IL17D: variants seen among roughly 807,000 people sequenced by gnomAD.
The protein encoded by IL17D is interleukin-17D.
Under a neutral mutation model 5.7 loss-of-function variants are expected in IL17D, and 10 were observed. That is an observed-to-expected ratio of 1.75 (90% CI 1.08 to 2.97). IL17D has a LOEUF of 2.97. IL17D is among the 30% of genes most tolerant of loss of function. The pLI is 0.00. For missense variants in IL17D, 354 were observed against 292.7 expected (o/e 1.21, Z -1.53); for synonymous variants, 172 against 141.7 (o/e 1.21, Z -1.52).
chr13:20,709,252 C>T (rs1349634086), intron 1 of IL17D, among the ~76,000 whole-genome samples: 2 of 150,246 alleles, frequency 1.3e-5, no homozygotes, highest in Admixed American at 6.7e-5. Context: ...TTATGGAGGG[C>T]GATTTGGTGT....
intron 1 of IL17D, among the ~76,000 whole-genome samples, chr13:20,718,196 C>A (rs1483491810): frequency 3.3e-5 from 5 of 152,124 alleles, no homozygotes; most frequent in African/African-American, 9.7e-5. Context: ...TGTGCAGCTG[C>A]CCGGTGCCCT....
intron 1 of IL17D, among the ~76,000 whole-genome samples, chr13:20,707,614 A>C (rs575154162): frequency 6.6e-6 from 1 of 152,162 alleles, no homozygotes; most frequent in Admixed American, 6.5e-5. Context: ...TTGACCTTCT[A>C]GGCTCAAGGG....
chr13:20,722,874 A>G lies in IL17D; in HGVS notation c.*920A>G, dbSNP rs2058748558. On this transcript the variant is annotated 3_prime_UTR_variant, in exon 2 of 2. Coordinates refer to ENST00000682841, the MANE Select transcript of IL17D (RefSeq NM_001385224.1). ...TGCCAGTTGTCAGAAGAATCCAAGC[A>G]GGTATTGGCTTAGTTGTAAGGGCTT... 1 of 152,196 alleles carries G rather than the reference A, an allele frequency of 6.6e-6. No individual in the cohort carries two copies. The highest frequency in any genetic ancestry group is 2.4e-5 in the African/African-American group (1 of 41,438). The allele number at this position is 152,196 out of a possible 1,614,324, so 9.4% of individuals were successfully genotyped here.
chr13:20,721,390 G>T (rs905691515), intron 1 of IL17D, among the ~76,000 whole-genome samples: 1 of 152,226 alleles, frequency 6.6e-6, no homozygotes, highest in Non-Finnish European at 1.5e-5. Context: ...ATTTTTCTGC[G>T]CACATTAGCC....
Position 20,704,044 on chromosome 13 carries a change from G to A in IL17D, c.43G>A (p.Ala15Thr). The change falls in exon 1 of 2, where the codon GCC (alanine) becomes ACC (threonine). Residue 15 changes from alanine to threonine, a missense_variant. Ala to Thr is a moderately conservative substitution (Grantham distance 58). Transcript: ENST00000682841. ...GFLLALPPSW[A>T]AGAPRAGRRP... ...CCTGCTGGCGCTGCCGCCGAGCTGG[G>A]CCGCGGGCGCCCCGAGGGCGGGCAG... 9.5e-7 allele frequency: 1 copy of A among 1,052,450 alleles called. No homozygotes were observed. Among genetic ancestry groups the A allele is most frequent in the Admixed American group, 5.6e-5 (1 of 17,984 alleles). The allele number at this position is 1,052,450 out of a possible 1,614,324, so 65.2% of individuals were successfully genotyped here. A position where few individuals can be genotyped will look rare whatever the true frequency, so the allele number is the denominator to read the frequency against.
At chr13:20,701,615 G>C (rs1594993135), upstream of IL17D, 1 of 152,162 alleles carries the variant, frequency 6.6e-6, no homozygotes, top group Non-Finnish European at 1.5e-5. Context: ...CCACATTACA[G>C]ATATGTTGGT....
intron 1 of IL17D, among the ~76,000 whole-genome samples, chr13:20,708,985 A>G (rs2058613483): frequency 2.7e-5 from 4 of 150,376 alleles, no homozygotes; most frequent in Admixed American, 6.6e-5. Flanking sequence ...AAAAGAAAGA[A>G]AGAAAAGAAA....
In IL17D at chr13:20,716,143, G is replaced by A. The variant is rs1595000653; in HGVS notation, c.291-5493G>A. 2 of 981,984 alleles carry A rather than the reference G, an allele frequency of 2.0e-6. No individual in the cohort carries two copies. The highest frequency in any genetic ancestry group is 1.2e-6 in the Non-Finnish European group (1 of 826,780). 60.8% of individuals were successfully genotyped at this position (981,984 alleles called of 1,614,324 possible). On this transcript the variant is annotated intron_variant, in intron 1 of 1. Transcript: ENST00000682841. The surrounding 1 kb of genome is among the most constrained non-coding windows in gnomAD (Gnocchi z 4.2). ...GCCTTCTTATCTCTTGCAAAGGTTAGTGTTTTTCACAGGACTCTCAGCTCT... is the reference window on the plus strand; with the variant it reads ...GCCTTCTTATCTCTTGCAAAGGTTAATGTTTTTCACAGGACTCTCAGCTCT...
rs146971986 is a variant in IL17D at position 20,721,910 on chromosome 13, G to A, written c.565G>A (p.Ala189Thr). ...CAACTCCAGCATCGACAAACAGGGCGCCAAGCTCCTGCTGGGCCCCAACGA... is the reference window on the plus strand; with the variant it reads ...CAACTCCAGCATCGACAAACAGGGCACCAAGCTCCTGCTGGGCCCCAACGA... Reference protein sequence around the residue: ...SINSSIDKQGAKLLLGPNDAP... With the variant: ...SINSSIDKQGTKLLLGPNDAP... The change falls in exon 2 of 2, where the codon GCC (alanine) becomes ACC (threonine). Residue 189 changes from alanine (A) to threonine (T), a missense_variant. Ala to Thr is a moderately conservative substitution (Grantham distance 58). Coordinates refer to ENST00000682841, the MANE Select transcript of IL17D (RefSeq NM_001385224.1). The A allele has an allele frequency of 1.6e-3, 2,641 of 1,606,522 alleles. 6 individuals carry two copies. The highest frequency in any genetic ancestry group is 2.1e-3 in the Non-Finnish European group (2,460 of 1,178,850).
intron 1 of IL17D, among the ~76,000 whole-genome samples, chr13:20,709,974 G>C (rs1030816667): frequency 5.9e-5 from 9 of 152,120 alleles, no homozygotes; most frequent in African/African-American, 2.2e-4. Context: ...TGTGCTCCTG[G>C]TGAGGAGCCC....
chr13:20,720,754 CTG>C (rs1052428495), intron 1 of IL17D, among the ~76,000 whole-genome samples: 5 of 152,130 alleles, frequency 3.3e-5, no homozygotes, highest in African/African-American at 1.2e-4. Context: ...AAATGTCCCT[CTG>C]GGGTTCCGCA....
chr13:20,711,748 T>G (rs2058639427), intron 1 of IL17D, among the ~76,000 whole-genome samples: 2 of 152,152 alleles, frequency 1.3e-5, no homozygotes, highest in East Asian at 3.8e-4. Context: ...CAGATGACAT[T>G]GGGGAAGAGG....
chr13:20,707,835 C>T (rs2058602388), intron 1 of IL17D, among the ~76,000 whole-genome samples: 1 of 151,990 alleles, frequency 6.6e-6, no homozygotes, highest in Admixed American at 6.6e-5. Flanking sequence ...AGGGCTTGTT[C>T]CTTGGTGGAG....
At chr13:20,714,995 C>G in intron 1 of IL17D, among the ~76,000 whole-genome samples, 1 of 152,206 alleles carries the variant, frequency 6.6e-6, no homozygotes, top group Admixed American at 6.5e-5. Context: ...GCCGTCCTGG[C>G]TGCACATAGT....
Position 20,721,552 on chromosome 13 carries a change from TC to T in IL17D, c.291-80del, listed in dbSNP as rs2058734702. The T allele has an allele frequency of 1.3e-5, 16 of 1,210,144 alleles. No homozygotes were observed. In the South Asian group the frequency reaches 2.1e-4, roughly 16 times the overall value. 75.0% of individuals were successfully genotyped at this position (1,210,144 alleles called of 1,614,324 possible). A position where few individuals can be genotyped will look rare whatever the true frequency, so the allele number is the denominator to read the frequency against. ...GAGGACAGGACAGTCCCCGAGGCCC[TC>T]CCCGGTGACTCTAACCAGGGATTTC... On this transcript the variant is annotated intron_variant, in intron 1 of 1. Transcript: ENST00000682841.
intron 1 of IL17D, chr13:20,717,325 G>A (rs1038027691): frequency 1.3e-5 from 2 of 152,272 alleles, no homozygotes; most frequent in Admixed American, 1.3e-4. Flanking sequence ...CCCACAGGAG[G>A]CGCGGCACAG....
chr13:20,715,887 C>T lies in IL17D; in HGVS notation c.291-5749C>T, dbSNP rs545992157. Among the ~76,000 whole-genome samples the T allele has an allele frequency of 9.9e-5, 15 of 152,196 alleles. No individual in the cohort carries two copies. In the South Asian group the frequency reaches 2.7e-3, roughly 27 times the overall value. Reference sequence around the variant, plus strand: ...GCCTAAGGAACTAGGACTACAGACACGCACCACGACGCCTGGCTCATTTTT... The same window carrying T: ...GCCTAAGGAACTAGGACTACAGACATGCACCACGACGCCTGGCTCATTTTT... On this transcript the variant is annotated intron_variant, in intron 1 of 1. Coordinates refer to ENST00000682841, the MANE Select transcript of IL17D (RefSeq NM_001385224.1).
At chr13:20,718,333 C>G (rs866917074) in intron 1 of IL17D, among the ~76,000 whole-genome samples, 3 of 152,256 alleles carry the variant, frequency 2.0e-5, no homozygotes, top group Middle Eastern at 6.8e-3. Flanking sequence ...GAGCACGCAA[C>G]CTGTCCATGC....
intron 1 of IL17D, among the ~76,000 whole-genome samples, chr13:20,721,033 C>T (rs943600314): frequency 6.6e-6 from 1 of 152,162 alleles, no homozygotes; most frequent in African/African-American, 2.4e-5. Flanking sequence ...GATCCTATGC[C>T]TTCCTGAGCC....
Sources: allele counts gnomAD v4.1 joint callset (sites outside exome capture counted in the v4.1 genomes callset), GRCh38; gene constraint gnomAD v4.1.1; non-coding constraint Gnocchi (gnomAD v3.1); transcripts MANE v1.5; gene names NCBI Gene and HGNC (gene_info 2026-07-23, HGNC 2026-07-21).